Variants in CDH13 observed in about 807,000 individuals in gnomAD.
CDH13 encodes cadherin 13.
CDH13 carries 24 observed loss-of-function variants against 63.8 expected under a neutral mutation model. The observed-to-expected ratio is 0.38, with a 90% CI of 0.27 to 0.53. The LOEUF (loss-of-function observed/expected upper bound fraction) is 0.53, where lower values mean the gene tolerates loss of function less well. Among genes scored for constraint, CDH13 ranks in the 20% least tolerant of loss-of-function variants. The probability of loss-of-function intolerance (pLI) is 0.85; values close to 1 mark genes in which losing one functional copy is unlikely to be tolerated. For missense variants in CDH13, 1,049 were observed against 903.1 expected (o/e 1.16, Z -2.07); for synonymous variants, 503 against 355.3 (o/e 1.42, Z -4.67).
At chr16:83,415,873 T>C (rs931861527) in intron 6 of CDH13, among the ~76,000 whole-genome samples, 1 of 152,156 alleles carries the variant, frequency 6.6e-6, no homozygotes, top group Non-Finnish European at 1.5e-5. Flanking sequence ...TCACCAGTTC[T>C]ATTCAACATA....
intron 11 of CDH13, among the ~76,000 whole-genome samples, chr16:83,774,688 GA>G (rs200465371): frequency 2.0e-5 from 3 of 150,348 alleles, no homozygotes; most frequent in African/African-American, 4.9e-5. Context: ...ATTTATTTGT[GA>G]AAAAAAAATA....
At chr16:83,216,425 T>TAC (rs1292168787) in intron 4 of CDH13, among the ~76,000 whole-genome samples, 4 of 101,082 alleles carry the variant, frequency 4.0e-5, no homozygotes, top group African/African-American at 1.5e-4. Context: ...TATATATATA[T>TAC]ATATATATAT....
intron 5 of CDH13, among the ~76,000 whole-genome samples, chr16:83,253,989 GAGCCA>G (rs1905907244): frequency 6.6e-6 from 1 of 152,174 alleles, no homozygotes; most frequent in Admixed American, 6.5e-5. Context: ...CTTAGATAGA[GAGCCA>G]GCACCGTGAG....
intron 8 of CDH13, among the ~76,000 whole-genome samples, chr16:83,668,364 TCA>T (rs1481536009): frequency 2.6e-5 from 4 of 152,224 alleles, no homozygotes; most frequent in Non-Finnish European, 5.9e-5. Flanking sequence ...TCATGATTTC[TCA>T]CAGTGTTTTC....
At chr16:83,600,121 C>T (rs565687112) in intron 7 of CDH13, among the ~76,000 whole-genome samples, 1 of 152,214 alleles carries the variant, frequency 6.6e-6, no homozygotes, top group South Asian at 2.1e-4. Context: ...GCAAAATTAC[C>T]AGAATTCTTG....
chr16:83,300,685 C>G (rs2089713256), intron 5 of CDH13, among the ~76,000 whole-genome samples: 1 of 152,202 alleles, frequency 6.6e-6, no homozygotes, highest in African/African-American at 2.4e-5. Context: ...CCAATTAAAT[C>G]TTACATAAAA....
chr16:82,992,637 C>T (rs1448220293), intron 2 of CDH13, among the ~76,000 whole-genome samples: 1 of 152,082 alleles, frequency 6.6e-6, no homozygotes, highest in Admixed American at 6.6e-5. Context: ...TTAAAATTAG[C>T]CTATAAAGAC....
At chr16:82,973,609 C>G (rs750058659) in intron 2 of CDH13, among the ~76,000 whole-genome samples, 6 of 152,208 alleles carry the variant, frequency 3.9e-5, no homozygotes, top group South Asian at 2.1e-4. Context: ...GTGCAAGAAT[C>G]CTGTTAAAGA....
At chr16:82,829,883 C>G (rs2038448526) in intron 1 of CDH13, among the ~76,000 whole-genome samples, 1 of 152,132 alleles carries the variant, frequency 6.6e-6, no homozygotes, top group South Asian at 2.1e-4. Flanking sequence ...TTCCATTTGT[C>G]AAAATGCCTC....
Position 82,633,874 on chromosome 16 carries a change from T to A in CDH13, c.45+6737T>A, listed in dbSNP as rs555755279. On this transcript the variant is annotated intron_variant, in intron 1 of 13. Coordinates refer to ENST00000567109, the MANE Select transcript of CDH13 (RefSeq NM_001257.5). Reference sequence around the variant, plus strand: ...CCCATACCAGCAGGTGAGCCTCAGATGATTCTTGTTTTCCATAGCTACAGA... The same window carrying A: ...CCCATACCAGCAGGTGAGCCTCAGAAGATTCTTGTTTTCCATAGCTACAGA... Among the ~76,000 whole-genome samples the A allele has an allele frequency of 2.0e-5, 3 of 152,336 alleles. No individual in the cohort carries two copies. The East Asian group carries it at 5.8e-4, about 29-fold the overall frequency.
At chr16:82,738,540 G>T (rs529607908) in intron 1 of CDH13, among the ~76,000 whole-genome samples, 2 of 152,302 alleles carry the variant, frequency 1.3e-5, no homozygotes, top group African/African-American at 4.8e-5. Context: ...TAGCTTAGTA[G>T]TTAGCCCTCC....
chr16:83,210,804 T>A (rs887878506), intron 4 of CDH13, among the ~76,000 whole-genome samples: 3 of 150,864 alleles, frequency 2.0e-5, no homozygotes, highest in African/African-American at 7.3e-5. Flanking sequence ...AACGCCACAG[T>A]CACACATGGC....
At chr16:83,293,885 C>T (rs1374439779) in intron 5 of CDH13, among the ~76,000 whole-genome samples, 1 of 152,110 alleles carries the variant, frequency 6.6e-6, no homozygotes, top group Non-Finnish European at 1.5e-5. Flanking sequence ...CACTGTTTAC[C>T]AGGAATTATA....
At chr16:82,832,808 C>G (rs993319628) in intron 1 of CDH13, among the ~76,000 whole-genome samples, 5 of 152,172 alleles carry the variant, frequency 3.3e-5, no homozygotes, top group African/African-American at 1.2e-4. Context: ...TCTTGAGCAT[C>G]TACTGGGTGA....
chr16:83,734,368 G>A (rs1400899033), intron 10 of CDH13, among the ~76,000 whole-genome samples: 1 of 152,148 alleles, frequency 6.6e-6, no homozygotes, highest in African/African-American at 2.4e-5. Flanking sequence ...TGGGAGGTCA[G>A]TCTCAAATCC....
At chr16:83,671,849 C>G (rs971657518) in intron 9 of CDH13, among the ~76,000 whole-genome samples, 7 of 152,116 alleles carry the variant, frequency 4.6e-5, no homozygotes, top group African/African-American at 1.7e-4. Context: ...GCTGGTAATC[C>G]AGAAATATTA....
intron 5 of CDH13, among the ~76,000 whole-genome samples, chr16:83,269,000 C>G (rs965223360): frequency 3.3e-5 from 5 of 152,208 alleles, no homozygotes; most frequent in African/African-American, 1.2e-4. Context: ...TCTGACCAGA[C>G]AACTTGCTCA....
intron 5 of CDH13, among the ~76,000 whole-genome samples, chr16:83,218,939 A>G (rs2151790064): frequency 6.6e-6 from 1 of 152,284 alleles, no homozygotes; most frequent in Non-Finnish European, 1.5e-5. Flanking sequence ...CCACCGTGTA[A>G]GAAGTCCCCT....
intron 7 of CDH13, among the ~76,000 whole-genome samples, chr16:83,504,659 G>A (rs1027433427): frequency 6.6e-6 from 1 of 152,170 alleles, no homozygotes; most frequent in Non-Finnish European, 1.5e-5. Context: ...GGCAGGTAGC[G>A]GGAGATAACA....
Sources: allele counts gnomAD v4.1 joint callset (sites outside exome capture counted in the v4.1 genomes callset), GRCh38; gene constraint gnomAD v4.1.1; transcripts MANE v1.5; gene names NCBI Gene and HGNC (gene_info 2026-07-23, HGNC 2026-07-21).